MAST4: variants seen among roughly 807,000 people sequenced by gnomAD.
MAST4 encodes the protein microtubule-associated serine/threonine-protein kinase 4.
Under a neutral mutation model 162.7 loss-of-function variants are expected in MAST4, and 89 were observed. The observed-to-expected ratio is 0.55, with a 90% CI of 0.46 to 0.65. The LOEUF is 0.65. MAST4 is among the 30% of genes least tolerant of loss of function. The pLI is 0.00. For missense variants in MAST4, 3,153 were observed against 3,374.0 expected (o/e 0.93, Z 1.62); for synonymous variants, 1,479 against 1,361.1 (o/e 1.09, Z -1.91).
rs771569986 is a variant in MAST4 at position 67,160,628 on chromosome 5, A to G, written c.3785+36A>G. ...TCAGTATTCTTTTTAAGTTTGGTGT[A>G]TACCTATGTTGGGGAAAAGTTACCC... is the stretch of plus-strand genomic sequence containing the variant. On this transcript the variant is annotated intron_variant, in intron 27 of 28. Transcript: ENST00000403625. 23 of 1,595,874 alleles carry G rather than the reference A, an allele frequency of 1.4e-5. No individual in the cohort carries two copies. In the Admixed American group the frequency reaches 4.1e-4, roughly 28 times the overall value.
intron 4 of MAST4, among the ~76,000 whole-genome samples, chr5:66,956,561 A>G (rs1191532634): frequency 1.3e-5 from 2 of 152,142 alleles, no homozygotes; most frequent in Non-Finnish European, 2.9e-5. Flanking sequence ...AATGCAGGGG[A>G]TGTGCTTGAT....
intron 4 of MAST4, among the ~76,000 whole-genome samples, chr5:66,930,269 A>G (rs1459865580): frequency 2.6e-5 from 4 of 152,220 alleles, no homozygotes; most frequent in Non-Finnish European, 5.9e-5. Flanking sequence ...ATTTTCTGCT[A>G]CCTCACATTG....
intron 3 of MAST4, among the ~76,000 whole-genome samples, chr5:66,882,932 ACTC>A (rs1761784067): frequency 6.6e-6 from 1 of 152,004 alleles, no homozygotes; most frequent in Non-Finnish European, 1.5e-5. Flanking sequence ...AGAAGCAAAA[ACTC>A]CTATTTCTGA....
At chr5:66,866,174 G>C (rs418015) in intron 3 of MAST4, among the ~76,000 whole-genome samples, 79,463 of 151,338 alleles carry the variant, frequency 0.53, 22,576 homozygotes, top group Non-Finnish European at 0.64. Flanking sequence ...ATGAACATTA[G>C]GGTGAAAAAA....
At chr5:66,965,690 G>A (rs1746648251) in intron 4 of MAST4, among the ~76,000 whole-genome samples, 1 of 151,954 alleles carries the variant, frequency 6.6e-6, no homozygotes, top group South Asian at 2.1e-4. Flanking sequence ...CTAGGACATA[G>A]GATAGGTGAA....
chr5:66,931,672 A>T (rs373565654), intron 4 of MAST4, among the ~76,000 whole-genome samples: 3 of 152,122 alleles, frequency 2.0e-5, no homozygotes, highest in Non-Finnish European at 2.9e-5. Flanking sequence ...TTCTTTTTTC[A>T]TGCAATACCT....
intron 5 of MAST4, among the ~76,000 whole-genome samples, chr5:67,057,741 T>G (rs1043177046): frequency 1.3e-5 from 2 of 152,080 alleles, no homozygotes; most frequent in Non-Finnish European, 2.9e-5. Context: ...TGAAAATTTC[T>G]GTATCAAAAA....
chr5:66,841,938 T>C (rs1758458734), intron 3 of MAST4, among the ~76,000 whole-genome samples: 1 of 152,228 alleles, frequency 6.6e-6, no homozygotes, highest in Non-Finnish European at 1.5e-5. Context: ...CCTTGTACTT[T>C]TGACTTAATT....
In MAST4 at chr5:66,837,023, C is replaced by CGTGTGTGTGTGTGTGTGCGTGTGTGT. The variant is rs544483226; in HGVS notation, c.642+48229_642+48230insGTGTGTGTGTGTGTGTGCGTGTGTGT. 2.1e-5 allele frequency among the ~76,000 whole-genome samples: 3 copies of CGTGTGTGTGTGTGTGTGCGTGTGTGT among 144,772 alleles called. 1 individual carries two copies. In the South Asian group the frequency reaches 6.9e-4, roughly 34 times the overall value. The allele number at this position is 144,772 out of a possible 152,430, so 95.0% of individuals were successfully genotyped here. ...GTCTGGGTAAAAGACCATGCAGGAT[C>CGTGTGTGTGTGTGTGTGCGTGTGTGT]ATGTGTGTGTGTGTGTGTGTGTGTG... On this transcript the variant is annotated intron_variant, in intron 3 of 28. Coordinates refer to ENST00000403625, the MANE Select transcript of MAST4 (RefSeq NM_001164664.2).
intron 1 of MAST4, among the ~76,000 whole-genome samples, chr5:66,751,771 T>C (rs1753189480): frequency 6.7e-6 from 1 of 149,756 alleles, no homozygotes; most frequent in African/African-American, 2.5e-5. Flanking sequence ...AGGCCAACGT[T>C]CAGATTCAGG....
chr5:67,113,758 A>G (rs1046230284), intron 11 of MAST4, among the ~76,000 whole-genome samples: 1 of 152,222 alleles, frequency 6.6e-6, no homozygotes, highest in Admixed American at 6.5e-5. Flanking sequence ...CAACTTTGCT[A>G]GAAAGGCACA....
intron 3 of MAST4, among the ~76,000 whole-genome samples, chr5:66,808,086 T>G (rs1756290989): frequency 6.6e-6 from 1 of 152,236 alleles, no homozygotes; most frequent in South Asian, 2.1e-4. Context: ...GAATGTCCAA[T>G]GCACTCTTTT....
chr5:66,745,447 T>C (rs756517717), intron 1 of MAST4, among the ~76,000 whole-genome samples: 1 of 152,120 alleles, frequency 6.6e-6, no homozygotes, highest in Non-Finnish European at 1.5e-5. Context: ...AGAAGGAAAA[T>C]AATTATAGCA....
chr5:66,822,802 A>G (rs1313928589), intron 3 of MAST4, among the ~76,000 whole-genome samples: 1 of 152,200 alleles, frequency 6.6e-6, no homozygotes, highest in Non-Finnish European at 1.5e-5. Context: ...CACATTATGA[A>G]TTCACTTTGA....
At chr5:66,963,777 C>T in intron 4 of MAST4, 1 of 779,826 alleles carries the variant, frequency 1.3e-6, no homozygotes, top group South Asian at 1.3e-5. Context: ...CTTGGCCTTT[C>T]ACTTTTGGAG....
chr5:66,694,444 C>A (rs1749260109), intron 1 of MAST4, among the ~76,000 whole-genome samples: 1 of 152,098 alleles, frequency 6.6e-6, no homozygotes, highest in South Asian at 2.1e-4. Flanking sequence ...ATTTGCACTC[C>A]TCTAATGATC....
chr5:66,637,100 T>C (rs1435309341), intron 1 of MAST4, among the ~76,000 whole-genome samples: 1 of 152,242 alleles, frequency 6.6e-6, no homozygotes, highest in Non-Finnish European at 1.5e-5. Flanking sequence ...AAAAGACATA[T>C]GATTTAGCAA....
intron 12 of MAST4, among the ~76,000 whole-genome samples, chr5:67,115,906 G>A (rs928746532): frequency 2.6e-5 from 4 of 152,012 alleles, no homozygotes; most frequent in African/African-American, 4.8e-5. Context: ...TAGTTGGAAT[G>A]GGGGAGGCTG....
At chr5:66,708,047 G>GT (rs1750249099) in intron 1 of MAST4, among the ~76,000 whole-genome samples, 1 of 152,276 alleles carries the variant, frequency 6.6e-6, no homozygotes, top group African/African-American at 2.4e-5. Context: ...TCGCTGGTAG[G>GT]TCCGTTTTAG....
Sources: gnomAD v4.1 joint callset for allele counts (sites outside exome capture counted in the v4.1 genomes callset) on GRCh38, gnomAD v4.1.1 for gene constraint, MANE v1.5 for transcripts, NCBI Gene and HGNC (gene_info 2026-07-23, HGNC 2026-07-21) for gene names.